NAV2: variants seen among roughly 807,000 people sequenced by gnomAD.
The protein encoded by NAV2 is neuron navigator 2, also known as helicase, APC down-regulated 1.
NAV2 carries 54 observed loss-of-function variants against 223.2 expected under a neutral mutation model. The observed-to-expected ratio is 0.24, with a 90% CI of 0.19 to 0.30. NAV2 has a LOEUF of 0.30. Among genes scored for constraint, NAV2 ranks in the 10% least tolerant of loss-of-function variants. NAV2 has a pLI of 1.00. For missense variants in NAV2, 2,806 were observed against 3,147.5 expected, an observed-to-expected ratio of 0.89 and a Z score of 2.60; for synonymous variants, 1,279 against 1,239.3, an observed-to-expected ratio of 1.03 and a Z score of -0.67.
chr11:19,678,109 G>A (rs2048770412), intron 1 of NAV2, among the ~76,000 whole-genome samples: 1 of 152,172 alleles, frequency 6.6e-6, no homozygotes, highest in Non-Finnish European at 1.5e-5. Flanking sequence ...TGACCAAGAA[G>A]AAAGCCTCCT....
At chr11:19,541,676 T>C (rs1362611065) in intron 1 of NAV2, among the ~76,000 whole-genome samples, 1 of 152,176 alleles carries the variant, frequency 6.6e-6, no homozygotes, top group Non-Finnish European at 1.5e-5. Context: ...AGGCAGAGCA[T>C]AGGCCCAGGC....
chr11:19,438,782 T>C (rs1851298186), intron 1 of NAV2, among the ~76,000 whole-genome samples: 1 of 152,356 alleles, frequency 6.6e-6, no homozygotes, highest in Non-Finnish European at 1.5e-5. Flanking sequence ...AGATCCTGAT[T>C]GCAGGAGTCT....
At chr11:19,801,774 G>A (rs1247583098) in intron 1 of NAV2, among the ~76,000 whole-genome samples, 7 of 152,154 alleles carry the variant, frequency 4.6e-5, no homozygotes, top group African/African-American at 1.2e-4. Flanking sequence ...GGCAAGTTAC[G>A]TCACCTGTGA....
intron 1 of NAV2, chr11:19,505,278 C>CT (rs2043089005): frequency 6.6e-6 from 1 of 152,238 alleles, no homozygotes. Flanking sequence ...GCTCCTGCCT[C>CT]TGTTTCTCTC....
chr11:19,417,010 C>G (rs182312488), intron 1 of NAV2, among the ~76,000 whole-genome samples: 51 of 152,284 alleles, frequency 3.3e-4, no homozygotes, highest in African/African-American at 1.2e-3. Context: ...AAAACCTAGG[C>G]AATACCATTC....
chr11:20,068,398 T>C lies in NAV2; in HGVS notation c.4983T>C (p.Asn1661=), dbSNP rs1442710. ...VSALTTQLTA[N]AHLVAAFEQS... is the part of the protein sequence containing the mutation. Reference sequence around the variant, plus strand: ...CTTTGACCACCCAGCTGACAGCAAATGTAAGTACAGACATAGGGCAGTAGC... The same window carrying C: ...CTTTGACCACCCAGCTGACAGCAAACGTAAGTACAGACATAGGGCAGTAGC... The change falls in exon 22 of 38, where the codon AAT becomes AAC. Residue 1661 remains asparagine, a splice_region_variant and synonymous_variant. Coordinates refer to ENST00000349880, the MANE Select transcript of NAV2 (RefSeq NM_145117.5). 0.21 allele frequency: 333,958 copies of C among 1,611,160 alleles called. 39,305 individuals carry two copies. Among genetic ancestry groups the C allele is most frequent in the East Asian group, 0.52 (23,292 of 44,844 alleles).
intron 1 of NAV2, among the ~76,000 whole-genome samples, chr11:19,593,457 G>T (rs967994037): frequency 3.3e-5 from 5 of 152,190 alleles, no homozygotes; most frequent in Admixed American, 3.3e-4. Context: ...AAGTATCTGG[G>T]TTGTTTCCAG....
At chr11:20,061,593 C>T (rs1301889225) in intron 19 of NAV2, among the ~76,000 whole-genome samples, 2 of 151,376 alleles carry the variant, frequency 1.3e-5, no homozygotes, top group East Asian at 1.9e-4. Flanking sequence ...AAAGATGTCT[C>T]CACTGGCTGG....
At chr11:19,602,302 C>T (rs530021844) in intron 1 of NAV2, among the ~76,000 whole-genome samples, 119 of 151,948 alleles carry the variant, frequency 7.8e-4, no homozygotes, top group African/African-American at 2.7e-3. Flanking sequence ...CTCAGCCTCC[C>T]GAGTAGCTGA....
chr11:19,841,630 G>A (rs1484547882), intron 2 of NAV2, among the ~76,000 whole-genome samples: 2 of 152,132 alleles, frequency 1.3e-5, no homozygotes, highest in Non-Finnish European at 2.9e-5. Flanking sequence ...ACAGAGGCAG[G>A]TACAGGGTGC....
chr11:19,403,489 G>A lies in NAV2; in HGVS notation c.75+52462G>A, dbSNP rs575125583. On this transcript the variant is annotated intron_variant, in intron 1 of 37. Transcript: ENST00000360655. ...GGTTAGCCTAGCAAGAGGAATGGGA[G>A]GAAGAGCATTCCATGTAAAAGGAAC... 4.1e-4 allele frequency among the ~76,000 whole-genome samples: 62 copies of A among 152,282 alleles called. 1 individual carries two copies. Among genetic ancestry groups the A allele is most frequent in the African/African-American group, 1.4e-3 (59 of 41,564 alleles).
rs182591447 is a variant in NAV2, at chr11:19,856,465, C to T, written c.439-12460C>T. On this transcript the variant is annotated intron_variant, in intron 3 of 37. Coordinates refer to ENST00000349880, the MANE Select transcript of NAV2 (RefSeq NM_145117.5). ...TTAGTTTAAAATATTTTGTGTATTC[C>T]TTGCAAAATTCCCCAAGTTATATAT... is the stretch of plus-strand genomic sequence containing the variant. Among the ~76,000 whole-genome samples the T allele has an allele frequency of 5.4e-3, 824 of 152,192 alleles. 8 individuals are homozygous for T. Among genetic ancestry groups the T allele is most frequent in the African/African-American group, 0.019 (782 of 41,512 alleles).
At chr11:19,962,494 G>A (rs2153410176) in intron 10 of NAV2, among the ~76,000 whole-genome samples, 1 of 152,084 alleles carries the variant, frequency 6.6e-6, no homozygotes, top group East Asian at 1.9e-4. Context: ...ACTCACCTGT[G>A]GCCCAGGGTC....
intron 1 of NAV2, among the ~76,000 whole-genome samples, chr11:19,567,380 C>A (rs1423528321): frequency 2.0e-5 from 3 of 152,218 alleles, no homozygotes; most frequent in Non-Finnish European, 4.4e-5. Flanking sequence ...GCTTTCCATG[C>A]AATGTTTTGG....
At chr11:19,748,748 A>C (rs1034081772) in intron 1 of NAV2, among the ~76,000 whole-genome samples, 1 of 152,222 alleles carries the variant, frequency 6.6e-6, no homozygotes, top group African/African-American at 2.4e-5. Flanking sequence ...GGAACGGGGC[A>C]GGGAAGGTGC....
chr11:19,663,365 A>C (rs1438333452), intron 1 of NAV2, among the ~76,000 whole-genome samples: 1 of 152,202 alleles, frequency 6.6e-6, no homozygotes, highest in African/African-American at 2.4e-5. Context: ...CCACAACCCC[A>C]TGAATTAGAC....
At chr11:19,717,478 G>A (rs2050396243) in intron 1 of NAV2, among the ~76,000 whole-genome samples, 1 of 152,244 alleles carries the variant, frequency 6.6e-6, no homozygotes, top group African/African-American at 2.4e-5. Flanking sequence ...GGACAGACTG[G>A]TGGGGAGGAG....
chr11:19,350,928 A>T, exon 1 of NAV2: 1 of 1,550,510 alleles, frequency 6.4e-7, no homozygotes, highest in Non-Finnish European at 8.7e-7. Flanking sequence ...TCGCTGAAGG[A>T]GAGAGAGGAT....
chr11:19,820,077 G>T (rs552635031), intron 1 of NAV2, among the ~76,000 whole-genome samples: 33 of 152,366 alleles, frequency 2.2e-4, no homozygotes, highest in Admixed American at 6.5e-4. Context: ...GCAGGTGAGG[G>T]GAGCTATGGA....
Sources: allele counts gnomAD v4.1 joint callset (sites outside exome capture counted in the v4.1 genomes callset), GRCh38; gene constraint gnomAD v4.1.1; transcripts MANE v1.5; gene names NCBI Gene and HGNC (gene_info 2026-07-23, HGNC 2026-07-21).